Variants in RDH13 observed in about 807,000 individuals in gnomAD.
The protein encoded by RDH13 is retinol dehydrogenase 13.
Under a neutral mutation model 28.3 loss-of-function variants are expected in RDH13, and 35 were observed. The observed-to-expected ratio is 1.24, with a 90% CI of 0.95 to 1.64. The LOEUF (loss-of-function observed/expected upper bound fraction) is 1.64. RDH13 is among the 40% of genes most tolerant of loss of function. RDH13 has a pLI of 0.00. For synonymous variants in RDH13, 229 were observed against 198.5 expected, an observed-to-expected ratio of 1.15 and a Z score of -1.29; for missense variants, 514 against 446.3, an observed-to-expected ratio of 1.15 and a Z score of -1.37.
At position 55,057,232 on chromosome 19, in the gene RDH13, G is replaced by C. The variant is rs76368329; in HGVS notation, c.185-424C>G. ...ATAGATTCTTGGTTTTCTAGGGCAG[G>C]GGGTGGGGAGAGGGAATTACAGCTT... On this transcript the variant is annotated intron_variant, in intron 2 of 6. Transcript: ENST00000415061. Among the ~76,000 whole-genome samples, 426 of 152,286 alleles carry C rather than the reference G, an allele frequency of 2.8e-3. 4 individuals are homozygous for C. The highest frequency in any genetic ancestry group is 9.4e-3 in the African/African-American group (391 of 41,564).
At chr19:55,064,614 T>C (rs2075911300), upstream of RDH13, among the ~76,000 whole-genome samples, 2 of 150,924 alleles carry the variant, frequency 1.3e-5, no homozygotes, top group South Asian at 2.1e-4. Flanking sequence ...TTTGTTTGTT[T>C]GTTTTGTTTT....
intron 2 of RDH13, among the ~76,000 whole-genome samples, chr19:55,058,072 C>G (rs113700928): frequency 3.3e-5 from 5 of 151,972 alleles, no homozygotes; most frequent in African/African-American, 1.2e-4. Flanking sequence ...CACCGAGACC[C>G]GCCCTCTTAG....
upstream of RDH13, chr19:55,067,323 C>T (rs2075979375): frequency 6.6e-6 from 1 of 152,178 alleles, no homozygotes; most frequent in African/African-American, 2.4e-5. Flanking sequence ...GCAGAAGGTC[C>T]CCGTGTCGGA....
At chr19:55,058,669 CCT>C (rs2075712742) in intron 2 of RDH13, among the ~76,000 whole-genome samples, 1 of 151,816 alleles carries the variant, frequency 6.6e-6, no homozygotes. Context: ...GTTTCAATGC[CCT>C]TTTTTTTGTT....
downstream of RDH13, chr19:55,042,526 T>C (rs1371419614): frequency 6.6e-6 from 1 of 152,118 alleles, no homozygotes; most frequent in African/African-American, 2.4e-5. Flanking sequence ...TACGCACCTA[T>C]TCGGAGAACC....
chr19:55,048,889 C>T (rs1010672869), intron 3 of RDH13, 126 bp from the exon 4 acceptor site: 12 of 814,190 alleles, frequency 1.5e-5, no homozygotes, highest in South Asian at 1.4e-4. Flanking sequence ...AGGGTCTGTG[C>T]CGAAGTGGCC....
intron 2 of RDH13, 118 bp from the exon 3 acceptor site, chr19:55,056,926 T>C (rs536949107): frequency 1.1e-6 from 1 of 910,838 alleles, no homozygotes; most frequent in Non-Finnish European, 1.6e-6. Flanking sequence ...ACTGCGGCAT[T>C]CTTCACAAAA....
At chr19:55,040,442 C>G (rs2074998911), downstream of RDH13, 1 of 152,244 alleles carries the variant, frequency 6.6e-6, no homozygotes, top group Non-Finnish European at 1.5e-5. Context: ...AGCCACCGCG[C>G]CCGGCCAGTG....
At chr19:55,048,031 C>G in intron 5 of RDH13, 4 of 1,439,274 alleles carry the variant, frequency 2.8e-6, no homozygotes, top group Non-Finnish European at 3.7e-6. Context: ...AAAACTGCCC[C>G]TGGTTGAGAC....
At chr19:55,065,892 A>G (rs1220537234), upstream of RDH13, among the ~76,000 whole-genome samples, 1 of 152,046 alleles carries the variant, frequency 6.6e-6, no homozygotes, top group Non-Finnish European at 1.5e-5. Flanking sequence ...TGATTTTTGT[A>G]TTTTTAGTAG....
At chr19:55,059,131 G>C (rs1466924310) in intron 2 of RDH13, 26 bp downstream of exon 2, 3 of 1,447,830 alleles carry the variant, frequency 2.1e-6, no homozygotes, top group Admixed American at 1.9e-5. Context: ...ATATCTCTCT[G>C]AGAGCCAAAG....
Position 55,044,831 on chromosome 19 carries a change from A to C in RDH13, c.*243T>G. 2.2e-6 allele frequency: 1 copy of C among 461,436 alleles called. No homozygotes were observed. 28.6% of individuals were successfully genotyped at this position (461,436 alleles called of 1,614,324 possible). A position where few individuals can be genotyped will look rare whatever the true frequency, so the allele number is the denominator to read the frequency against. On this transcript the variant is annotated 3_prime_UTR_variant, in exon 7 of 7. Coordinates refer to ENST00000415061, the MANE Select transcript of RDH13 (RefSeq NM_001145971.2). Reference sequence around the variant, plus strand: ...CATTCCCAGTTTAGATTCCCAGGGGAAGCATCAGATGGCCCCTCTCCCCTG... The same window carrying C: ...CATTCCCAGTTTAGATTCCCAGGGGCAGCATCAGATGGCCCCTCTCCCCTG...
intron 5 of RDH13, 103 bp downstream of exon 5, chr19:55,048,226 G>A (rs1221926937): frequency 6.4e-7 from 1 of 1,562,256 alleles, no homozygotes; most frequent in Non-Finnish European, 8.6e-7. Flanking sequence ...TGCTGACTCT[G>A]TTCTGGATCC....
rs539939701 is a variant in RDH13, at chr19:55,049,147, C to T, written c.341-384G>A. 1.2e-4 allele frequency among the ~76,000 whole-genome samples: 19 copies of T among 152,282 alleles called. No individual in the cohort carries two copies. The South Asian group carries it at 3.3e-3, about 27-fold the overall frequency. ...GATTCAGACTGCCGGCTTCCGGAAC[C>T]GTGAGGGAATGCACGTCTGAGGGTG... On this transcript the variant is annotated intron_variant, in intron 3 of 6. Coordinates refer to ENST00000415061, the MANE Select transcript of RDH13 (RefSeq NM_001145971.2).
At chr19:55,045,605 C>A (rs1194440227) in intron 6 of RDH13, among the ~76,000 whole-genome samples, 1 of 152,186 alleles carries the variant, frequency 6.6e-6, no homozygotes, top group Non-Finnish European at 1.5e-5. Flanking sequence ...CCCATTTCTC[C>A]TTTAATAACA....
At chr19:55,062,508 C>G (rs1264503670) in intron 1 of RDH13, among the ~76,000 whole-genome samples, 3 of 152,076 alleles carry the variant, frequency 2.0e-5, no homozygotes, top group Non-Finnish European at 4.4e-5. Context: ...ATGGCAAAAC[C>G]CCGTCTCTGC....
At chr19:55,048,091 A>T in intron 5 of RDH13, 2 of 1,506,358 alleles carry the variant, frequency 1.3e-6, no homozygotes, top group South Asian at 2.5e-5. Flanking sequence ...AGCAGCAGGG[A>T]AGGACATCTG....
chr19:55,062,986 C>A lies in RDH13; in HGVS notation c.47G>T (p.Gly16Val). Residue 16 changes from glycine to valine, a missense_variant, in exon 1 of 7, where the codon GGC (glycine) becomes GTC (valine). Transcript: ENST00000415061. ...TACTCACTTGAGCAGCACGGCGGCG[C>A]CTGCTACCGTGCCCAGCGCCGACAG... ...LPLSALGTVA[G>V]AAVLLKDYVT... 6.8e-7 allele frequency: 1 copy of A among 1,476,756 alleles called. No individual in the cohort carries two copies. The highest frequency in any genetic ancestry group is 9.0e-7 in the Non-Finnish European group (1 of 1,115,996). The allele number at this position is 1,476,756 out of a possible 1,614,324, so 91.5% of individuals were successfully genotyped here.
Position 55,045,291 on chromosome 19 carries a change from A to G in RDH13, c.779T>C (p.Leu260Pro), listed in dbSNP as rs1329218826. ...STTLGPIFWL[L>P]VKSPELAAQP... Reference sequence around the variant, plus strand: ...GGCGGCCAGCTCGGGGCTCTTGACCAGCAGCCAGAAGATGGGCCCTGCAAT... The same window carrying G: ...GGCGGCCAGCTCGGGGCTCTTGACCGGCAGCCAGAAGATGGGCCCTGCAAT... The change falls in exon 7 of 7, where the codon CTG becomes CCG. Residue 260 changes from leucine to proline, a missense_variant. Coordinates refer to ENST00000415061, the MANE Select transcript of RDH13 (RefSeq NM_001145971.2). 1.2e-6 allele frequency: 2 copies of G among 1,612,468 alleles called. No individual in the cohort carries two copies. The highest frequency in any genetic ancestry group is 3.3e-5 in the Admixed American group (2 of 59,926).
Sources: allele counts gnomAD v4.1 joint callset (sites outside exome capture counted in the v4.1 genomes callset), GRCh38; gene constraint gnomAD v4.1.1; transcripts MANE v1.5; gene names NCBI Gene and HGNC (gene_info 2026-07-23, HGNC 2026-07-21).